Variants in COL11A1 observed in about 807,000 individuals in gnomAD.
COL11A1 encodes collagen alpha-1(XI) chain.
A neutral mutation model predicts 265.2 loss-of-function variants in COL11A1; 74 were observed. The observed-to-expected ratio is 0.28, with a 90% CI of 0.23 to 0.34. COL11A1 has a LOEUF of 0.34. Among genes scored for constraint, COL11A1 ranks in the 10% least tolerant of loss-of-function variants. COL11A1 has a pLI of 1.00. For missense variants in COL11A1, 2,165 were observed against 2,263.6 expected (o/e 0.96, Z 0.88); for synonymous variants, 816 against 727.6 (o/e 1.12, Z -1.96).
intron 4 of COL11A1, among the ~76,000 whole-genome samples, chr1:103,033,490 T>G (rs556728772): frequency 1.3e-5 from 2 of 152,180 alleles, no homozygotes; most frequent in African/African-American, 4.8e-5. Flanking sequence ...TACACAAAAA[T>G]GTTATCTTAT....
intron 13 of COL11A1, among the ~76,000 whole-genome samples, 188 bp downstream of exon 13, chr1:103,014,323 T>C (rs1666379864): frequency 6.6e-6 from 1 of 152,164 alleles, no homozygotes; most frequent in South Asian, 2.1e-4. Context: ...TACCTAACTA[T>C]AATTTTCAAT....
At chr1:102,894,169 A>C (rs1210810897) in intron 57 of COL11A1, among the ~76,000 whole-genome samples, 2 of 152,220 alleles carry the variant, frequency 1.3e-5, no homozygotes, top group Non-Finnish European at 2.9e-5. Flanking sequence ...TAGTTTTAAA[A>C]GTGACTAAAT....
chr1:103,075,128 G>T (rs3753840), intron 3 of COL11A1, among the ~76,000 whole-genome samples: 2 of 152,066 alleles, frequency 1.3e-5, no homozygotes, highest in Admixed American at 1.3e-4. Context: ...GGGATATGGG[G>T]TAAGTAATAG....
chr1:102,888,451 A>T, intron 62 of COL11A1, 126 bp downstream of exon 62: 1 of 826,564 alleles, frequency 1.2e-6, no homozygotes. Flanking sequence ...AAATGATATA[A>T]TGTTTCCTAT....
At chr1:102,977,083 G>T (rs1309154048) in intron 35 of COL11A1, among the ~76,000 whole-genome samples, 1 of 152,066 alleles carries the variant, frequency 6.6e-6, no homozygotes, top group African/African-American at 2.4e-5. Context: ...GGCAAAAATA[G>T]TTATTTCATT....
chr1:102,933,558 C>T (rs1657777859), intron 46 of COL11A1, among the ~76,000 whole-genome samples: 1 of 152,102 alleles, frequency 6.6e-6, no homozygotes, highest in South Asian at 2.1e-4. Context: ...CAGTGCTCTG[C>T]CCCCCAGAGG....
At chr1:103,001,861 C>G in intron 24 of COL11A1, 64 bp downstream of exon 24, 4 of 1,456,572 alleles carry the variant, frequency 2.7e-6, no homozygotes, top group Admixed American at 1.7e-5. Flanking sequence ...AGACCTTATA[C>G]CTGCCTAAGA....
chr1:102,891,232 G>A (rs1434207736), intron 57 of COL11A1, among the ~76,000 whole-genome samples: 1 of 151,942 alleles, frequency 6.6e-6, no homozygotes, highest in Non-Finnish European at 1.5e-5. Context: ...ATAAAATATT[G>A]CATGTATATT....
intron 39 of COL11A1, 103 bp downstream of exon 39, chr1:102,962,550 T>A: frequency 9.8e-7 from 1 of 1,017,542 alleles, no homozygotes; most frequent in Non-Finnish European, 1.5e-6. Flanking sequence ...TCCTGACACA[T>A]CTTCTGACAT....
chr1:103,037,142 T>TATATATATATA (rs1553242540), intron 4 of COL11A1, among the ~76,000 whole-genome samples: 3 of 148,372 alleles, frequency 2.0e-5, no homozygotes, highest in Admixed American at 6.8e-5. Flanking sequence ...ATATATAATT[T>TATATATATATA]TATATATATA....
chr1:103,084,372 T>A (rs1404830118), intron 1 of COL11A1, among the ~76,000 whole-genome samples: 1 of 152,110 alleles, frequency 6.6e-6, no homozygotes, highest in African/African-American at 2.4e-5. Context: ...CTCCCACATA[T>A]ATGCCTAAAA....
At chr1:103,093,124 T>C (rs568295556) in intron 1 of COL11A1, among the ~76,000 whole-genome samples, 1 of 152,104 alleles carries the variant, frequency 6.6e-6, no homozygotes, top group South Asian at 2.1e-4. Context: ...TTTATGTGGG[T>C]GAGGGTGGCT....
At chr1:103,049,005 T>A (rs1466480577) in intron 4 of COL11A1, among the ~76,000 whole-genome samples, 2 of 152,042 alleles carry the variant, frequency 1.3e-5, no homozygotes, top group Admixed American at 6.6e-5. Context: ...TGCTGAGGAG[T>A]GCTTTACTTC....
At position 102,949,640 on chromosome 1, in the gene COL11A1, T is replaced by C. The variant is rs141932150; in HGVS notation, c.3169-2684A>G. The stretch of plus-strand genomic sequence containing the variant: ...GCTTTGCATATGCAATATAATTTTA[T>C]TGCTGTATGACTTGTATATTTTTAA... On this transcript the variant is annotated intron_variant, in intron 41 of 66. Coordinates refer to ENST00000370096, the MANE Select transcript of COL11A1 (RefSeq NM_001854.4). 2.8e-4 allele frequency among the ~76,000 whole-genome samples: 43 copies of C among 152,332 alleles called. 1 individual carries two copies. The highest frequency in any genetic ancestry group is 1.0e-3 in the African/African-American group (42 of 41,580).
At chr1:102,990,606 T>C (rs144691482) in intron 28 of COL11A1, among the ~76,000 whole-genome samples, 2 of 152,272 alleles carry the variant, frequency 1.3e-5, no homozygotes, top group African/African-American at 4.8e-5. Context: ...TAAACAACCT[T>C]ATTATCTCTT....
chr1:103,046,117 C>A (rs1160186408), intron 4 of COL11A1, among the ~76,000 whole-genome samples: 1 of 151,496 alleles, frequency 6.6e-6, no homozygotes, highest in South Asian at 2.1e-4. Flanking sequence ...GATTTATAAT[C>A]CTTTAGGTAT....
In COL11A1 at chr1:103,082,940, A is replaced by T. The variant is rs143159512; in HGVS notation, c.139T>A (p.Phe47Ile). 439 of 1,613,132 alleles carry T rather than the reference A, an allele frequency of 2.7e-4. No individual in the cohort carries two copies. Among genetic ancestry groups the T allele is most frequent in the Non-Finnish European group, 4.5e-5 (53 of 1,179,588 alleles). ...APVDVLKALD[F>I]HNSPEGISKT... ...GATATTCCCTCTGGAGAATTGTGAAAATCTAGTGCTTTTAGTACATCAACT... is the reference window on the plus strand; with the variant it reads ...GATATTCCCTCTGGAGAATTGTGAATATCTAGTGCTTTTAGTACATCAACT... The change falls in exon 2 of 67, where the codon TTT (phenylalanine) becomes ATT (isoleucine). Residue 47 changes from phenylalanine (F) to isoleucine (I), a missense_variant. Transcript: ENST00000370096.
At chr1:103,045,536 A>C (rs980187470) in intron 4 of COL11A1, among the ~76,000 whole-genome samples, 1 of 152,176 alleles carries the variant, frequency 6.6e-6, no homozygotes, top group Non-Finnish European at 1.5e-5. Flanking sequence ...ACAGAAATAG[A>C]GTAGTTTATG....
At position 102,898,536 on chromosome 1, in the gene COL11A1, T is replaced by C. The variant is rs1652740770; in HGVS notation, c.4248+130A>G. On this transcript the variant is annotated intron_variant, in intron 56 of 66. Transcript: ENST00000370096. ...AAGAATATCTTTTTTACATTATATT[T>C]ACAGAATTCCCACAAAATTATCCAC... 8.9e-6 allele frequency: 6 copies of C among 675,356 alleles called. 1 individual carries two copies. In the South Asian group the frequency reaches 1.1e-4, roughly 13 times the overall value. The allele number at this position is 675,356 out of a possible 1,614,324, so 41.8% of individuals were successfully genotyped here.
Sources: allele counts gnomAD v4.1 joint callset (sites outside exome capture counted in the v4.1 genomes callset), GRCh38; gene constraint gnomAD v4.1.1; transcripts MANE v1.5; gene names NCBI Gene and HGNC (gene_info 2026-07-23, HGNC 2026-07-21).